PCDH15: variants seen among roughly 807,000 people sequenced by gnomAD.
PCDH15 encodes protocadherin-15.
Under a neutral mutation model 178.5 loss-of-function variants are expected in PCDH15, and 129 were observed. The observed-to-expected ratio is 0.72, with a 90% CI of 0.63 to 0.84. PCDH15 has a LOEUF of 0.84. PCDH15 is among the 40% of genes least tolerant of loss of function. The probability of loss-of-function intolerance (pLI) is 0.00; values close to 1 mark genes in which losing one functional copy is unlikely to be tolerated. For synonymous variants in PCDH15, 800 were observed against 732.0 expected, an observed-to-expected ratio of 1.09 and a Z score of -1.50; for missense variants, 2,230 against 2,099.9, an observed-to-expected ratio of 1.06 and a Z score of -1.21.
At chr10:55,123,655 C>A (rs1167766255) in intron 2 of PCDH15, among the ~76,000 whole-genome samples, 1 of 151,942 alleles carries the variant, frequency 6.6e-6, no homozygotes, top group Non-Finnish European at 1.5e-5. Context: ...TGAAGGAGAG[C>A]CAGTCAAAGG....
intron 2 of PCDH15, among the ~76,000 whole-genome samples, chr10:54,597,326 A>C (rs1296253921): frequency 1.3e-5 from 2 of 152,170 alleles, no homozygotes; most frequent in African/African-American, 4.8e-5. Context: ...ATGGAATTTA[A>C]CAACCTGTTC....
rs573293963 is a variant in PCDH15 at position 55,238,539 on chromosome 10, A to G, written c.-155-71888T>C. On this transcript the variant is annotated intron_variant, in intron 1 of 5. Transcript: ENST00000458638. Reference sequence around the variant, plus strand: ...AATAAAACAATTTTTTGAATAAAATATATGGTTTAATGTTGAAACAATTGA... The same window carrying G: ...AATAAAACAATTTTTTGAATAAAATGTATGGTTTAATGTTGAAACAATTGA... Among the ~76,000 whole-genome samples the G allele has an allele frequency of 3.9e-5, 6 of 152,310 alleles. No homozygotes were observed. In the East Asian group the frequency reaches 9.6e-4, roughly 24 times the overall value.
At chr10:53,862,945 G>A (rs1230284679) in intron 27 of PCDH15, among the ~76,000 whole-genome samples, 2 of 152,192 alleles carry the variant, frequency 1.3e-5, no homozygotes, top group Non-Finnish European at 1.5e-5. Flanking sequence ...AGGTTTAGGA[G>A]AGAAAGGAGT....
In PCDH15 at chr10:53,814,499, A is replaced by G. The variant is rs147011562; in HGVS notation, c.4491+1740T>C. ...AATAAGAAGTATAGAAGGGATGCGG[A>G]TAGGAACCCAGGAAACTCAGCAAGA... On this transcript the variant is annotated intron_variant, in intron 35 of 37. Transcript: ENST00000644397. Among the ~76,000 whole-genome samples, 3 of 152,284 alleles carry G rather than the reference A, an allele frequency of 2.0e-5. No homozygotes were observed. The East Asian group carries it at 5.8e-4, about 29-fold the overall frequency.
chr10:54,615,669 A>G (rs532328758), intron 2 of PCDH15, among the ~76,000 whole-genome samples: 90 of 151,128 alleles, frequency 6.0e-4, no homozygotes, highest in Non-Finnish European at 1.2e-3. Flanking sequence ...AGAAAAACAC[A>G]CATAAACTAG....
At chr10:54,919,155 C>T (rs779270873) in intron 2 of PCDH15, among the ~76,000 whole-genome samples, 39 of 152,170 alleles carry the variant, frequency 2.6e-4, no homozygotes, top group Admixed American at 5.2e-4. Context: ...GTCTTTTACA[C>T]ATTCATGTTC....
At chr10:55,109,519 G>A (rs1208351876) in intron 2 of PCDH15, among the ~76,000 whole-genome samples, 2 of 152,080 alleles carry the variant, frequency 1.3e-5, no homozygotes, top group Non-Finnish European at 2.9e-5. Flanking sequence ...AGGGAAATCA[G>A]TATTAAATGT....
chr10:54,815,146 T>C (rs530793362), intron 3 of PCDH15, among the ~76,000 whole-genome samples: 2 of 88,818 alleles, frequency 2.3e-5, no homozygotes, highest in African/African-American at 9.1e-5. Context: ...ATATGTTGGT[T>C]TTTTTTTTTA....
chr10:55,134,481 A>T (rs943161526), intron 2 of PCDH15, among the ~76,000 whole-genome samples: 2 of 152,174 alleles, frequency 1.3e-5, no homozygotes, highest in Non-Finnish European at 2.9e-5. Context: ...TGTTATGGCT[A>T]TAGAAGAGAG....
In PCDH15 at chr10:54,020,224, G is replaced by A; in HGVS notation, c.2719C>T (p.Pro907Ser). 2 of 1,613,538 alleles carry A rather than the reference G, an allele frequency of 1.2e-6. No homozygotes were observed. Among genetic ancestry groups the A allele is most frequent in the Non-Finnish European group, 1.7e-6 (2 of 1,179,668 alleles). ...ATCACTGTGACAGTAGCAATACCAGGTGGCATTGTTCCATAAATATCAAAG... is the reference window on the plus strand; with the variant it reads ...ATCACTGTGACAGTAGCAATACCAGATGGCATTGTTCCATAAATATCAAAG... Reference protein sequence around the residue: ...EAFDIYGTMPPGIATVTVIVK... With the variant: ...EAFDIYGTMPSGIATVTVIVK... Residue 907 changes from proline (P) to serine (S), a missense_variant, in exon 20 of 38, where the codon CCT (proline) becomes TCT (serine). Coordinates refer to ENST00000644397, the MANE Select transcript of PCDH15 (RefSeq NM_001384140.1).
At chr10:53,836,232 G>A (rs959426638) in intron 29 of PCDH15, among the ~76,000 whole-genome samples, 8 of 152,144 alleles carry the variant, frequency 5.3e-5, no homozygotes, top group African/African-American at 1.9e-4. Context: ...CTGTAAATGT[G>A]AAGCAGAGGA....
chr10:54,418,891 GGTTGAT>G (rs1403842070), intron 3 of PCDH15, among the ~76,000 whole-genome samples: 2 of 151,754 alleles, frequency 1.3e-5, no homozygotes, highest in African/African-American at 2.4e-5. Flanking sequence ...TCACTTCAAG[GGTTGAT>G]GTCCGTAGAG....
At chr10:53,829,602 T>A (rs1157991120) in intron 30 of PCDH15, among the ~76,000 whole-genome samples, 1 of 152,226 alleles carries the variant, frequency 6.6e-6, no homozygotes, top group Non-Finnish European at 1.5e-5. Flanking sequence ...AGCTTTAGAT[T>A]TAGCATATCA....
At chr10:55,158,123 T>C (rs2489230) in intron 2 of PCDH15, among the ~76,000 whole-genome samples, 60,548 of 149,670 alleles carry the variant, frequency 0.4, 12,921 homozygotes, top group African/African-American at 0.54. Flanking sequence ...AATTATTAAG[T>C]TGCCACTCTA....
chr10:55,246,839 TA>T (rs1214022324), intron 1 of PCDH15, among the ~76,000 whole-genome samples: 2 of 152,196 alleles, frequency 1.3e-5, no homozygotes, highest in Non-Finnish European at 2.9e-5. Context: ...AGACTAAAAT[TA>T]TATTTTCCTT....
intron 2 of PCDH15, among the ~76,000 whole-genome samples, chr10:54,944,375 T>C (rs916501126): frequency 1.3e-5 from 2 of 151,944 alleles, no homozygotes; most frequent in Non-Finnish European, 2.9e-5. Flanking sequence ...TTTTCTATGC[T>C]GAGGTGTAAG....
At chr10:54,007,996 TA>T (rs1166316199) in intron 20 of PCDH15, among the ~76,000 whole-genome samples, 1 of 152,110 alleles carries the variant, frequency 6.6e-6, no homozygotes, top group African/African-American at 2.4e-5. Context: ...ATTCTTCTCT[TA>T]AAAAAAGGAT....
intron 26 of PCDH15, among the ~76,000 whole-genome samples, chr10:53,870,737 T>G (rs2079779052): frequency 1.3e-5 from 2 of 152,220 alleles, no homozygotes; most frequent in South Asian, 4.1e-4. Context: ...GATGTGACTC[T>G]GATTGATGTG....
intron 2 of PCDH15, among the ~76,000 whole-genome samples, chr10:55,027,742 T>C (rs915620665): frequency 6.6e-6 from 1 of 151,922 alleles, no homozygotes; most frequent in Admixed American, 6.6e-5. Flanking sequence ...GTTTATTTGC[T>C]GTGTTTATAA....
Sources: gnomAD v4.1 joint callset for allele counts (sites outside exome capture counted in the v4.1 genomes callset) on GRCh38, gnomAD v4.1.1 for gene constraint, MANE v1.5 for transcripts, NCBI Gene and HGNC (gene_info 2026-07-23, HGNC 2026-07-21) for gene names.